The following IL1RAPL1 variants were observed in gnomAD, a reference collection of about 807,000 sequenced individuals.
IL1RAPL1 encodes the protein interleukin-1 receptor accessory protein-like 1.
Under a neutral mutation model 48.4 loss-of-function variants are expected in IL1RAPL1, and 3 were observed. The observed-to-expected ratio is 0.06, with a 90% CI of 0.03 to 0.16. The LOEUF (loss-of-function observed/expected upper bound fraction) is 0.16, where lower values mean the gene tolerates loss of function less well. Among genes scored for constraint, IL1RAPL1 ranks in the 10% least tolerant of loss-of-function variants. The pLI is 1.00. For synonymous variants in IL1RAPL1, 185 were observed against 187.7 expected, an observed-to-expected ratio of 0.99 and a Z score of 0.12; for missense variants, 349 against 530.6, an observed-to-expected ratio of 0.66 and a Z score of 3.36.
chrX:29,911,282 C>T (rs963569340), intron 6 of IL1RAPL1, among the ~76,000 whole-genome samples: 15 of 111,540 alleles, frequency 1.3e-4, no homozygotes, highest in Non-Finnish European at 2.1e-4. Context: ...TACCAGATGT[C>T]CATAGAGACA....
intron 6 of IL1RAPL1, among the ~76,000 whole-genome samples, chrX:29,821,224 C>T (rs1377905897): frequency 9.0e-6 from 1 of 110,847 alleles, no homozygotes; most frequent in South Asian, 3.9e-4. Flanking sequence ...CCGAGGCAGG[C>T]GGATCACGAG....
intron 2 of IL1RAPL1, among the ~76,000 whole-genome samples, chrX:29,186,709 A>T (rs1280150061): frequency 1.8e-5 from 2 of 111,470 alleles, no homozygotes; most frequent in Admixed American, 1.9e-4. Context: ...TGATAATAAT[A>T]GGTATTTACT....
Position 28,787,833 on chromosome X carries a change from G to A in IL1RAPL1, c.-24-1487G>A, listed in dbSNP as rs138773135. On this transcript the variant is annotated intron_variant, in intron 1 of 10. Transcript: ENST00000378993. The stretch of plus-strand genomic sequence containing the variant: ...GAGAGCTGGATTGATCAGTCCTCAA[G>A]TGTCTTGCAAAGAAAGGTGTCCTGT... 1.0e-2 allele frequency among the ~76,000 whole-genome samples: 1,113 copies of A among 111,703 alleles called. 6 individuals are homozygous for A. Among genetic ancestry groups the A allele is most frequent in the Non-Finnish European group, 0.015 (781 of 53,164 alleles).
intron 2 of IL1RAPL1, among the ~76,000 whole-genome samples, chrX:29,253,790 C>G (rs1179163113): frequency 9.1e-6 from 1 of 110,497 alleles, no homozygotes; most frequent in Non-Finnish European, 1.9e-5. Flanking sequence ...ATTAGAAAAC[C>G]CAGATGAAAG....
chrX:28,607,949 G>A (rs1934104851), intron 1 of IL1RAPL1, among the ~76,000 whole-genome samples: 1 of 111,363 alleles, frequency 9.0e-6, no homozygotes, highest in Admixed American at 9.7e-5. Context: ...TATAGAGTTT[G>A]CACGCAGAGG....
At chrX:29,512,402 A>C (rs992057069) in intron 5 of IL1RAPL1, among the ~76,000 whole-genome samples, 4 of 112,024 alleles carry the variant, frequency 3.6e-5, no homozygotes, top group Non-Finnish European at 7.5e-5. Flanking sequence ...TCTAAAATAA[A>C]ATACATTCTG....
chrX:29,919,019 T>C (rs1932826040), intron 7 of IL1RAPL1, among the ~76,000 whole-genome samples: 1 of 111,616 alleles, frequency 9.0e-6, no homozygotes, highest in African/African-American at 3.2e-5. Flanking sequence ...GTCAAGACTT[T>C]TAAAACTTTA....
At chrX:28,656,310 T>A (rs948675289) in intron 1 of IL1RAPL1, among the ~76,000 whole-genome samples, 9 of 111,422 alleles carry the variant, frequency 8.1e-5, no homozygotes, top group Non-Finnish European at 1.1e-4. Context: ...TTGCTGCCTC[T>A]AGCCCTGCCA....
intron 5 of IL1RAPL1, among the ~76,000 whole-genome samples, chrX:29,578,368 T>C (rs1435983748): frequency 8.9e-6 from 1 of 112,339 alleles, no homozygotes; most frequent in Admixed American, 9.4e-5. Flanking sequence ...ATGATGATTA[T>C]ACCTATCTCT....
At chrX:29,864,339 T>C (rs748920655) in intron 6 of IL1RAPL1, among the ~76,000 whole-genome samples, 1 of 112,389 alleles carries the variant, frequency 8.9e-6, no homozygotes, top group African/African-American at 3.2e-5. Flanking sequence ...TTTGGAAATC[T>C]CCAAGAAGGA....
At chrX:29,146,891 G>A (rs1275683909) in intron 2 of IL1RAPL1, among the ~76,000 whole-genome samples, 1 of 112,424 alleles carries the variant, frequency 8.9e-6, no homozygotes, top group African/African-American at 3.2e-5. Context: ...TGACCCACTG[G>A]AAGAAGCTAC....
chrX:29,762,013 T>C (rs1022466903), intron 6 of IL1RAPL1, among the ~76,000 whole-genome samples: 2 of 111,837 alleles, frequency 1.8e-5, no homozygotes, highest in African/African-American at 6.5e-5. Context: ...CATGAAGCCT[T>C]GTTTCTGTTC....
chrX:29,316,615 G>A (rs1254786203), intron 3 of IL1RAPL1, among the ~76,000 whole-genome samples: 1 of 111,912 alleles, frequency 8.9e-6, no homozygotes, highest in Non-Finnish European at 1.9e-5. Context: ...ACATTGGTGA[G>A]GCCTAAAAGG....
At chrX:28,947,146 C>T (rs752458124) in intron 2 of IL1RAPL1, among the ~76,000 whole-genome samples, 4 of 111,043 alleles carry the variant, frequency 3.6e-5, no homozygotes, top group Non-Finnish European at 7.6e-5. Flanking sequence ...GTCTCAGACT[C>T]GAAGTTTGTG....
At chrX:29,290,120 A>C (rs1269290236) in intron 3 of IL1RAPL1, among the ~76,000 whole-genome samples, 1 of 111,997 alleles carries the variant, frequency 8.9e-6, no homozygotes, top group African/African-American at 3.2e-5. Context: ...AGATTTAAAG[A>C]GAAGCTTTTA....
intron 2 of IL1RAPL1, among the ~76,000 whole-genome samples, chrX:28,936,818 A>C (rs1924028205): frequency 9.0e-6 from 1 of 111,178 alleles, no homozygotes; most frequent in Non-Finnish European, 1.9e-5. Flanking sequence ...ATGACATGAT[A>C]TTCTTCATAT....
chrX:28,789,080 A>G (rs1936505652), intron 1 of IL1RAPL1, among the ~76,000 whole-genome samples: 1 of 111,935 alleles, frequency 8.9e-6, no homozygotes, highest in South Asian at 3.7e-4. Flanking sequence ...TCAAGTGAAC[A>G]TAAGATTTTA....
chrX:29,805,937 TTA>T (rs990817162), intron 6 of IL1RAPL1, among the ~76,000 whole-genome samples: 1 of 106,409 alleles, frequency 9.4e-6, no homozygotes. Context: ...AGATGAAAAA[TTA>T]TATATATATA....
At chrX:28,617,059 A>T (rs1476509159) in intron 1 of IL1RAPL1, among the ~76,000 whole-genome samples, 1 of 112,519 alleles carries the variant, frequency 8.9e-6, no homozygotes, top group Non-Finnish European at 1.9e-5. Context: ...GAACTTTAAA[A>T]CTTTCAATAA....
Sources: allele counts gnomAD v4.1 joint callset (sites outside exome capture counted in the v4.1 genomes callset), GRCh38; gene constraint gnomAD v4.1.1; transcripts MANE v1.5; gene names NCBI Gene and HGNC (gene_info 2026-07-23, HGNC 2026-07-21).